The following ZNF385D variants were observed in gnomAD, a reference collection of about 807,000 sequenced individuals.
ZNF385D encodes zinc finger protein 385D, also known as zinc finger protein 659.
A neutral mutation model predicts 35.8 loss-of-function variants in ZNF385D; 15 were observed. The ratio of observed to expected loss-of-function variants is 0.42; its 90% CI spans 0.28 to 0.64. The LOEUF is 0.64. Ranked by LOEUF, ZNF385D falls within the 30% of genes least tolerant of loss-of-function variation. ZNF385D has a pLI of 0.23. For missense variants in ZNF385D, 474 were observed against 494.6 expected, an observed-to-expected ratio of 0.96 and a Z score of 0.39; for synonymous variants, 212 against 186.8, an observed-to-expected ratio of 1.13 and a Z score of -1.10.
intron 3 of ZNF385D, among the ~76,000 whole-genome samples, chr3:21,902,045 T>G (rs1169402659): frequency 6.6e-6 from 1 of 152,164 alleles, no homozygotes; most frequent in African/African-American, 2.4e-5. Flanking sequence ...GACACTAAAC[T>G]TCAAGTTCCA....
intron 3 of ZNF385D, among the ~76,000 whole-genome samples, chr3:22,038,448 C>A (rs953091228): frequency 6.6e-6 from 1 of 152,028 alleles, no homozygotes. Context: ...TTGGGGAAAG[C>A]AATTAAATGA....
chr3:21,659,369 G>A (rs543739798), intron 2 of ZNF385D, among the ~76,000 whole-genome samples: 8 of 152,222 alleles, frequency 5.3e-5, no homozygotes, highest in South Asian at 2.1e-4. Flanking sequence ...AATGAAATAC[G>A]CATCTATGTG....
chr3:21,805,026 A>T (rs973779097), intron 3 of ZNF385D, among the ~76,000 whole-genome samples: 1 of 152,268 alleles, frequency 6.6e-6, no homozygotes, highest in African/African-American at 2.4e-5. Context: ...AAAAGAACCA[A>T]CCTGATAATG....
In ZNF385D at chr3:21,664,937, G is replaced by A; in HGVS notation, c.114C>T (p.Pro38=). The stretch of plus-strand genomic sequence containing the variant: ...CTGCAGCTGCAGTGTCAAGAGGAAA[G>A]GGAAGAAATGGTTTAATATCCAGCG... ...QPSLDIKPFL[P]FPLDTAAAVN... is the part of the protein sequence containing the mutation. Residue 38 remains proline (P), a synonymous_variant, in exon 2 of 8, where the codon CCC becomes CCT. Coordinates refer to ENST00000281523, the MANE Select transcript of ZNF385D (RefSeq NM_024697.3). The A allele has an allele frequency of 1.2e-6, 2 of 1,613,802 alleles. No individual in the cohort carries two copies. Among genetic ancestry groups the A allele is most frequent in the Non-Finnish European group, 1.7e-6 (2 of 1,179,762 alleles).
chr3:22,077,638 G>C (rs1700530482), intron 3 of ZNF385D, among the ~76,000 whole-genome samples: 1 of 151,830 alleles, frequency 6.6e-6, no homozygotes, highest in South Asian at 2.1e-4. Flanking sequence ...TGATGTTTTT[G>C]GCACATATTT....
chr3:22,074,379 C>G (rs545802853), intron 3 of ZNF385D, among the ~76,000 whole-genome samples: 2 of 152,052 alleles, frequency 1.3e-5, no homozygotes, highest in South Asian at 4.2e-4. Context: ...CAGCCCTTGG[C>G]AGAGAAGCCA....
chr3:22,259,915 C>G (rs948408824), intron 2 of ZNF385D, among the ~76,000 whole-genome samples: 2 of 151,748 alleles, frequency 1.3e-5, no homozygotes, highest in African/African-American at 4.8e-5. Flanking sequence ...AGACCATCAA[C>G]CTCCTGCATC....
At chr3:21,452,904 A>G (rs953548632) in intron 4 of ZNF385D, among the ~76,000 whole-genome samples, 1 of 151,994 alleles carries the variant, frequency 6.6e-6, no homozygotes, top group African/African-American at 2.4e-5. Context: ...CCAAAATGAT[A>G]TTGAAAAAGA....
At chr3:21,626,874 C>T (rs572008489) in intron 2 of ZNF385D, among the ~76,000 whole-genome samples, 3 of 152,098 alleles carry the variant, frequency 2.0e-5, no homozygotes, top group East Asian at 1.9e-4. Context: ...GTGTCAGAGC[C>T]AGAGGCCAAG....
At chr3:22,279,904 C>T (rs554653190) in intron 2 of ZNF385D, among the ~76,000 whole-genome samples, 158 of 152,100 alleles carry the variant, frequency 1.0e-3, no homozygotes, top group African/African-American at 3.4e-3. Flanking sequence ...TTCCCACCAA[C>T]GTGTAAAAGT....
intron 4 of ZNF385D, among the ~76,000 whole-genome samples, chr3:21,450,195 G>A (rs1702374876): frequency 6.6e-6 from 1 of 152,128 alleles, no homozygotes; most frequent in South Asian, 2.1e-4. Context: ...AGGAGGAGAG[G>A]CAAAGAAATG....
intron 3 of ZNF385D, among the ~76,000 whole-genome samples, chr3:21,833,553 A>G (rs1695137586): frequency 1.3e-5 from 2 of 152,164 alleles, no homozygotes; most frequent in South Asian, 2.1e-4. Flanking sequence ...CACTCCAGAG[A>G]AAGTGTGGCC....
intron 3 of ZNF385D, among the ~76,000 whole-genome samples, chr3:21,855,102 A>G (rs1452927909): frequency 3.3e-5 from 5 of 151,876 alleles, no homozygotes; most frequent in South Asian, 2.1e-4. Flanking sequence ...TAAATGGGCA[A>G]TGTTGTTATC....
At chr3:22,367,756 CTCT>C (rs1451186960) in intron 2 of ZNF385D, among the ~76,000 whole-genome samples, 1 of 152,086 alleles carries the variant, frequency 6.6e-6, no homozygotes, top group African/African-American at 2.4e-5. Context: ...CTCTAATAAT[CTCT>C]TCTATTATAC....
At chr3:21,833,540 T>A (rs1482384955) in intron 3 of ZNF385D, among the ~76,000 whole-genome samples, 1 of 152,174 alleles carries the variant, frequency 6.6e-6, no homozygotes, top group Non-Finnish European at 1.5e-5. Flanking sequence ...CTTCCTGGTT[T>A]CCCACTCCAG....
intron 5 of ZNF385D, 99 bp from the exon 6 acceptor site, chr3:21,425,769 A>G (rs1282320272): frequency 3.6e-6 from 4 of 1,112,008 alleles, no homozygotes; most frequent in Non-Finnish European, 4.9e-6. Flanking sequence ...GCTAGTATAT[A>G]CCTTTAAGAA....
intron 2 of ZNF385D, among the ~76,000 whole-genome samples, chr3:22,269,793 T>G (rs1701080408): frequency 6.6e-6 from 1 of 151,870 alleles, no homozygotes. Flanking sequence ...CTCCACATTC[T>G]TTAATCCTCT....
At chr3:22,163,538 G>GT (rs372215118) in intron 3 of ZNF385D, among the ~76,000 whole-genome samples, 14 of 151,994 alleles carry the variant, frequency 9.2e-5, no homozygotes, top group Non-Finnish European at 1.2e-4. Flanking sequence ...GCTTATTCAA[G>GT]TTTTTTTTGT....
chr3:21,583,428 T>C (rs9821724), intron 2 of ZNF385D, among the ~76,000 whole-genome samples: 32,904 of 152,094 alleles, frequency 0.22, 4,059 homozygotes, highest in African/African-American at 0.35. Flanking sequence ...TATCAAAGAA[T>C]GCACACATAG....
Sources: allele counts gnomAD v4.1 joint callset (sites outside exome capture counted in the v4.1 genomes callset), GRCh38; gene constraint gnomAD v4.1.1; transcripts MANE v1.5; gene names NCBI Gene and HGNC (gene_info 2026-07-23, HGNC 2026-07-21).